Variants in STK32C observed in about 807,000 individuals in gnomAD.
STK32C encodes the protein serine/threonine kinase 32C, also known as serine/threonine-protein kinase 32C.
A neutral mutation model predicts 56.5 loss-of-function variants in STK32C; 31 were observed. The observed-to-expected ratio is 0.55, with a 90% CI of 0.41 to 0.74. STK32C has a LOEUF of 0.74. STK32C is among the 30% of genes least tolerant of loss of function. STK32C has a pLI of 0.00. For missense variants in STK32C, 544 were observed against 676.9 expected, an observed-to-expected ratio of 0.80 and a Z score of 2.18; for synonymous variants, 309 against 289.4, an observed-to-expected ratio of 1.07 and a Z score of -0.69.
rs1346510138 is a variant in STK32C at position 132,224,712 on chromosome 10, T to TCCTGCGCCCTGGCTGCTGCGC, written c.877-210_877-190dup. ...GGGTGAGATAAAGCTTACGCCTGGG[T>TCCTGCGCCCTGGCTGCTGCGC]CCTGCGCCCTGGCTGCTGCGCCCAT... On this transcript the variant is annotated intron_variant, in intron 7 of 11. Transcript: ENST00000298630. Among the ~76,000 whole-genome samples the TCCTGCGCCCTGGCTGCTGCGC allele has an allele frequency of 1.3e-5, 2 of 151,582 alleles. 1 individual carries two copies. The highest frequency in any genetic ancestry group is 4.2e-4 in the South Asian group (2 of 4,802).
chr10:132,209,408 A>C (rs2062217650), intron 10 of STK32C: 1 of 610,784 alleles, frequency 1.6e-6, no homozygotes, highest in African/African-American at 1.8e-5. Context: ...ACTTTGCTGG[A>C]AACCACTCCC....
At chr10:132,228,158 G>A (rs982949428) in intron 2 of STK32C, 30 bp from the exon 3 acceptor site, 4 of 1,612,960 alleles carry the variant, frequency 2.5e-6, no homozygotes, top group Non-Finnish European at 3.4e-6. Flanking sequence ...TCGGCAGGAC[G>A]CCTGAGGACG....
intron 2 of STK32C, among the ~76,000 whole-genome samples, chr10:132,230,063 C>T (rs957943397): frequency 2.0e-5 from 3 of 151,318 alleles, no homozygotes; most frequent in African/African-American, 4.8e-5. Flanking sequence ...CCTGAACACG[C>T]GGCCACACCT....
intron 1 of STK32C, among the ~76,000 whole-genome samples, chr10:132,281,651 C>G (rs1364913655): frequency 2.6e-5 from 4 of 152,224 alleles, no homozygotes; most frequent in African/African-American, 9.6e-5. Context: ...CAGAAAAGGG[C>G]TCCGGTTGGA....
chr10:132,308,707 C>G (rs1394736940), upstream of STK32C, among the ~76,000 whole-genome samples: 7 of 152,186 alleles, frequency 4.6e-5, no homozygotes, highest in African/African-American at 1.7e-4. Context: ...GGCCTGAGAC[C>G]GCGTGCCCGA....
At chr10:132,275,734 A>G (rs1056081351) in intron 1 of STK32C, among the ~76,000 whole-genome samples, 18 of 152,192 alleles carry the variant, frequency 1.2e-4, no homozygotes, top group Admixed American at 9.8e-4. Context: ...CTCAGGCTCC[A>G]GGGTCTGCCT....
chr10:132,237,463 G>A (rs1218946447), intron 2 of STK32C, among the ~76,000 whole-genome samples: 2 of 152,266 alleles, frequency 1.3e-5, no homozygotes, highest in African/African-American at 4.8e-5. Flanking sequence ...TGCAGCCTGG[G>A]TGACCCAGAG....
At chr10:132,287,990 G>A (rs1189494102) in intron 1 of STK32C, among the ~76,000 whole-genome samples, 1 of 152,048 alleles carries the variant, frequency 6.6e-6, no homozygotes, top group Non-Finnish European at 1.5e-5. Flanking sequence ...TTGAACTGGG[G>A]TAAAGACGGC....
At chr10:132,279,607 C>T (rs1235249254) in intron 1 of STK32C, among the ~76,000 whole-genome samples, 2 of 151,908 alleles carry the variant, frequency 1.3e-5, no homozygotes, top group African/African-American at 2.4e-5. Flanking sequence ...ATGTTCACGC[C>T]CCTGCACTCT....
chr10:132,242,501 C>T (rs1051221367), intron 2 of STK32C, among the ~76,000 whole-genome samples: 65 of 152,102 alleles, frequency 4.3e-4, no homozygotes, highest in African/African-American at 1.5e-3. Flanking sequence ...AGCACAGCCC[C>T]CCTGCAGTTC....
At chr10:132,256,243 C>T (rs965979544) in intron 1 of STK32C, among the ~76,000 whole-genome samples, 2 of 152,180 alleles carry the variant, frequency 1.3e-5, no homozygotes, top group Non-Finnish European at 2.9e-5. Flanking sequence ...TGCCCAGGTA[C>T]ACACCCAGAG....
At chr10:132,241,886 C>A (rs142127974) in intron 2 of STK32C, among the ~76,000 whole-genome samples, 1,755 of 152,236 alleles carry the variant, frequency 0.012, 36 homozygotes, top group African/African-American at 0.038. Flanking sequence ...GTGGGCAGAT[C>A]TCTTGAGGTC....
chr10:132,270,154 C>G (rs1159985769), intron 1 of STK32C, among the ~76,000 whole-genome samples: 2 of 152,232 alleles, frequency 1.3e-5, no homozygotes, highest in Admixed American at 6.5e-5. Context: ...CCACCCCACA[C>G]AGCCTGTGGG....
At chr10:132,258,501 C>T (rs1392601224) in intron 1 of STK32C, among the ~76,000 whole-genome samples, 87 of 152,242 alleles carry the variant, frequency 5.7e-4, no homozygotes, top group Non-Finnish European at 1.5e-4. Context: ...AGTGCGCTCT[C>T]CTGGGTGCCT....
chr10:132,254,877 C>T (rs1013046056), intron 1 of STK32C, among the ~76,000 whole-genome samples: 24 of 152,116 alleles, frequency 1.6e-4, no homozygotes, highest in Admixed American at 8.5e-4. Context: ...TTTGGAGGCC[C>T]GGGAAGTGGG....
downstream of STK32C, among the ~76,000 whole-genome samples, chr10:132,322,618 G>C (rs759805712): frequency 5.3e-5 from 8 of 152,248 alleles, no homozygotes; most frequent in Non-Finnish European, 1.0e-4. Flanking sequence ...CAAATTTCAC[G>C]CCAGTGTAAC....
chr10:132,263,656 G>A (rs2064382011), intron 1 of STK32C, among the ~76,000 whole-genome samples: 1 of 151,254 alleles, frequency 6.6e-6, no homozygotes, highest in Admixed American at 6.6e-5. Flanking sequence ...TCAGGAGTTC[G>A]AGACCCACCT....
intron 1 of STK32C, among the ~76,000 whole-genome samples, chr10:132,258,600 C>T (rs918446089): frequency 5.3e-5 from 8 of 152,256 alleles, no homozygotes; most frequent in African/African-American, 1.9e-4. Flanking sequence ...GAATTCCTCC[C>T]AGCCCACCGA....
Position 132,208,112 on chromosome 10 carries a change from G to C in STK32C, c.1359C>G (p.Pro453=). ...RSQDLPREPL[P]APESRDAAEP... is the part of the protein sequence containing the mutation. ...CCGCAGCATCCCTGGACTCAGGGGCGGGGAGAGGCTCCCTCGGGAGGTCCT... is the reference window on the plus strand; with the variant it reads ...CCGCAGCATCCCTGGACTCAGGGGCCGGGAGAGGCTCCCTCGGGAGGTCCT... The change falls in exon 12 of 12, where the codon CCC becomes CCG. Residue 453 remains proline, a synonymous_variant. Transcript: ENST00000298630. 1 of 1,311,082 alleles carries C rather than the reference G, an allele frequency of 7.6e-7. No individual in the cohort carries two copies. The highest frequency in any genetic ancestry group is 9.8e-7 in the Non-Finnish European group (1 of 1,021,430). 81.2% of individuals were successfully genotyped at this position (1,311,082 alleles called of 1,614,324 possible).
Sources: allele counts gnomAD v4.1 joint callset (sites outside exome capture counted in the v4.1 genomes callset), GRCh38; gene constraint gnomAD v4.1.1; transcripts MANE v1.5; gene names NCBI Gene and HGNC (gene_info 2026-07-23, HGNC 2026-07-21).